The following FRMPD4 variants were observed in gnomAD, a reference collection of about 807,000 sequenced individuals.
FRMPD4 encodes FERM and PDZ domain-containing protein 4.
FRMPD4 carries 22 observed loss-of-function variants against 94.1 expected under a neutral mutation model. The observed-to-expected ratio is 0.23, with a 90% CI of 0.17 to 0.33. FRMPD4 has a LOEUF of 0.33. FRMPD4 is among the 10% of genes least tolerant of loss of function. The probability of loss-of-function intolerance (pLI) is 1.00; values close to 1 mark genes in which losing one functional copy is unlikely to be tolerated. For missense variants in FRMPD4, 1,111 were observed against 1,339.9 expected, an observed-to-expected ratio of 0.83 and a Z score of 2.67; for synonymous variants, 631 against 548.6, an observed-to-expected ratio of 1.15 and a Z score of -2.10.
chrX:11,869,335 G>T (rs140041434), intron 2 of FRMPD4, among the ~76,000 whole-genome samples: 2,421 of 111,751 alleles, frequency 0.022, 25 homozygotes, highest in Non-Finnish European at 0.035. Flanking sequence ...GCTTTCCCCA[G>T]GGGCTTTGCT....
chrX:12,657,822 T>G (rs1170579906), intron 4 of FRMPD4, among the ~76,000 whole-genome samples: 1 of 112,704 alleles, frequency 8.9e-6, no homozygotes, highest in Non-Finnish European at 1.9e-5. Context: ...TAGACTTTAC[T>G]AAACTGCAGG....
At chrX:11,851,245 G>A (rs1358657735) in intron 1 of FRMPD4, among the ~76,000 whole-genome samples, 1 of 111,951 alleles carries the variant, frequency 8.9e-6, no homozygotes, top group African/African-American at 3.2e-5. Context: ...TGAAATGGTT[G>A]TTGTTTTTTT....
chrX:12,397,138 G>A (rs942992141), intron 1 of FRMPD4, among the ~76,000 whole-genome samples: 37 of 110,844 alleles, frequency 3.3e-4, no homozygotes, highest in African/African-American at 1.3e-4. Context: ...GCAACCAAAC[G>A]CATCATCCTA....
intron 3 of FRMPD4, among the ~76,000 whole-genome samples, chrX:12,078,559 A>G (rs1286205105): frequency 8.9e-6 from 1 of 112,187 alleles, no homozygotes; most frequent in Admixed American, 9.4e-5. Flanking sequence ...CAATCAAGAA[A>G]ATAATTGTAA....
intron 3 of FRMPD4, among the ~76,000 whole-genome samples, chrX:11,890,795 C>T (rs1013993341): frequency 9.8e-5 from 11 of 112,525 alleles, no homozygotes; most frequent in Admixed American, 4.7e-4. Flanking sequence ...CATATGGCAG[C>T]GGTGAAGGAG....
intron 3 of FRMPD4, among the ~76,000 whole-genome samples, chrX:11,957,198 C>G (rs186332995): frequency 9.0e-6 from 1 of 111,487 alleles, no homozygotes. Flanking sequence ...AAAATGAACA[C>G]GTAAAATATT....
chrX:12,612,649 T>G (rs904586245), intron 3 of FRMPD4, among the ~76,000 whole-genome samples: 1 of 112,798 alleles, frequency 8.9e-6, no homozygotes, highest in African/African-American at 3.2e-5. Flanking sequence ...TCAAAAAGCA[T>G]GGGTCAAATA....
At chrX:12,115,221 G>T (rs775181699) in intron 3 of FRMPD4, among the ~76,000 whole-genome samples, 1 of 112,099 alleles carries the variant, frequency 8.9e-6, no homozygotes, top group African/African-American at 3.2e-5. Flanking sequence ...ATTTGAAGGA[G>T]AACTTTTCAT....
Position 12,723,112 on chromosome X carries a change from T to C in FRMPD4, c.*1254T>C, listed in dbSNP as rs2042269622. 9.2e-6 allele frequency: 1 copy of C among 108,741 alleles called. No homozygotes were observed. Among genetic ancestry groups the C allele is most frequent in the Non-Finnish European group, 1.9e-5 (1 of 52,310 alleles). 9.0% of individuals were successfully genotyped at this position (108,741 alleles called of 1,213,427 possible). A position where few individuals can be genotyped will look rare whatever the true frequency, so the allele number is the denominator to read the frequency against. On this transcript the variant is annotated 3_prime_UTR_variant, in exon 17 of 17. Coordinates refer to ENST00000675598, the MANE Select transcript of FRMPD4 (RefSeq NM_001368397.1). ...CTTAATCTGGATTGGCTGATAAAAA[T>C]ATGAAATCTGAAAAAAAAAAGAAAG...
intron 1 of FRMPD4, among the ~76,000 whole-genome samples, chrX:12,387,218 A>C (rs142099112): frequency 0.019 from 2,078 of 112,148 alleles, 54 homozygotes; most frequent in African/African-American, 0.063. Flanking sequence ...AAAATTTGCA[A>C]ATGAAACCTT....
chrX:12,698,780 TAGG>T (rs1299848354), intron 9 of FRMPD4, among the ~76,000 whole-genome samples: 1 of 111,309 alleles, frequency 9.0e-6, no homozygotes, highest in East Asian at 2.8e-4. Context: ...CTATGACTCT[TAGG>T]AGAAGTAATA....
chrX:12,328,801 T>A (rs2055326634), intron 1 of FRMPD4, among the ~76,000 whole-genome samples: 2 of 111,554 alleles, frequency 1.8e-5, no homozygotes, highest in South Asian at 7.6e-4. Context: ...AGCTGTGTGA[T>A]CTTCAGGAGG....
chrX:12,207,612 A>G (rs1382499189), intron 1 of FRMPD4, among the ~76,000 whole-genome samples: 1 of 108,779 alleles, frequency 9.2e-6, no homozygotes, highest in East Asian at 2.9e-4. Flanking sequence ...TCCACACTTA[A>G]CTGGTTTTTC....
At chrX:12,594,422 C>CATTTATTT (rs747602603) in intron 2 of FRMPD4, among the ~76,000 whole-genome samples, 17 of 101,543 alleles carry the variant, frequency 1.7e-4, no homozygotes, top group African/African-American at 5.9e-4. Flanking sequence ...TAGTTAACCC[C>CATTTATTT]ATTTATTTAT....
At chrX:11,841,691 G>T (rs1264396816) in intron 1 of FRMPD4, among the ~76,000 whole-genome samples, 1 of 109,247 alleles carries the variant, frequency 9.2e-6, no homozygotes, top group African/African-American at 3.3e-5. Context: ...CTCCCATGTT[G>T]TAGGTTGCCT....
intron 1 of FRMPD4, among the ~76,000 whole-genome samples, chrX:12,426,376 G>A (rs1474865503): frequency 9.0e-6 from 1 of 111,325 alleles, no homozygotes; most frequent in East Asian, 2.8e-4. Flanking sequence ...AGGGGCCTGA[G>A]GGATGGTTGA....
intron 3 of FRMPD4, among the ~76,000 whole-genome samples, chrX:11,896,337 C>G (rs1224396302): frequency 8.0e-5 from 9 of 111,882 alleles, no homozygotes; most frequent in Non-Finnish European, 1.5e-4. Context: ...ATGTTTATGT[C>G]CCCCACAAAA....
At chrX:12,477,296 G>A (rs746452741) in intron 1 of FRMPD4, among the ~76,000 whole-genome samples, 1 of 110,939 alleles carries the variant, frequency 9.0e-6, no homozygotes, top group African/African-American at 3.3e-5. Context: ...CACACACCGG[G>A]GCCTGTTGTG....
intron 3 of FRMPD4, among the ~76,000 whole-genome samples, chrX:12,026,256 C>A (rs1020427102): frequency 9.0e-6 from 1 of 111,235 alleles, no homozygotes; most frequent in Non-Finnish European, 1.9e-5. Context: ...TTGTTTTATC[C>A]TCCTGTCTTC....
Sources: gnomAD v4.1 joint callset for allele counts (sites outside exome capture counted in the v4.1 genomes callset) on GRCh38, gnomAD v4.1.1 for gene constraint, MANE v1.5 for transcripts, NCBI Gene and HGNC (gene_info 2026-07-23, HGNC 2026-07-21) for gene names.